Variants in BACH2 observed in about 807,000 individuals in gnomAD.
BACH2 encodes the protein transcription regulator protein BACH2.
BACH2 carries 5 observed loss-of-function variants against 61.8 expected under a neutral mutation model. That is an observed-to-expected ratio of 0.08 (90% CI 0.04 to 0.17). The LOEUF is 0.17. Among genes scored for constraint, BACH2 ranks in the 10% least tolerant of loss-of-function variants. The pLI is 1.00. For synonymous variants in BACH2, 446 were observed against 440.1 expected, an observed-to-expected ratio of 1.01 and a Z score of -0.17; for missense variants, 824 against 1,091.1, an observed-to-expected ratio of 0.76 and a Z score of 3.45.
At chr6:90,196,910 A>G (rs1768780023) in intron 4 of BACH2, among the ~76,000 whole-genome samples, 1 of 152,220 alleles carries the variant, frequency 6.6e-6, no homozygotes, top group Non-Finnish European at 1.5e-5. Flanking sequence ...AGTCAAATCA[A>G]ATCTCTGCAT....
At chr6:90,049,150 T>C (rs1051575975) in intron 5 of BACH2, among the ~76,000 whole-genome samples, 7 of 152,234 alleles carry the variant, frequency 4.6e-5, no homozygotes, top group Admixed American at 2.6e-4. Context: ...TAAACTTTTA[T>C]TGAGTGCTCA....
chr6:90,283,142 G>C (rs1771908641), intron 1 of BACH2, among the ~76,000 whole-genome samples: 1 of 152,092 alleles, frequency 6.6e-6, no homozygotes, highest in African/African-American at 2.4e-5. Flanking sequence ...CTAGCCAATT[G>C]GGTTTCTTCC....
chr6:90,055,074 C>G (rs557082498), intron 5 of BACH2, among the ~76,000 whole-genome samples: 1 of 152,310 alleles, frequency 6.6e-6, no homozygotes, highest in South Asian at 2.1e-4. Flanking sequence ...GCCTCTCCTC[C>G]TTCAAAGGAA....
chr6:90,216,448 C>T (rs1046540681), intron 3 of BACH2, among the ~76,000 whole-genome samples: 5 of 152,248 alleles, frequency 3.3e-5, no homozygotes, highest in East Asian at 3.9e-4. Context: ...CTGCTAATGT[C>T]GACTTCCCTC....
At chr6:90,028,312 G>GC (rs1302840598) in intron 5 of BACH2, among the ~76,000 whole-genome samples, 1 of 152,200 alleles carries the variant, frequency 6.6e-6, no homozygotes, top group African/African-American at 2.4e-5. Context: ...CCAAAAGAAG[G>GC]CATCTGGCAG....
At chr6:89,972,982 C>T (rs528948488) in intron 6 of BACH2, among the ~76,000 whole-genome samples, 8 of 152,056 alleles carry the variant, frequency 5.3e-5, no homozygotes, top group Non-Finnish European at 8.8e-5. Context: ...CTCAGCTACT[C>T]GGGAGTCTGA....
chr6:90,097,995 T>C (rs1217728876), intron 4 of BACH2, among the ~76,000 whole-genome samples: 1 of 152,220 alleles, frequency 6.6e-6, no homozygotes, highest in South Asian at 2.1e-4. Context: ...CGGCTTTTAT[T>C]GTTTCTCTAG....
Position 89,959,288 on chromosome 6 carries a change from T to C in BACH2, c.244-7426A>G, listed in dbSNP as rs139567186. ...CATGGTCAGCCCACCAAGGTACTTT[T>C]TGATTAGTAAAAAAAGGAAAATCAT... On this transcript the variant is annotated intron_variant, in intron 6 of 8. Transcript: ENST00000257749. 7.2e-5 allele frequency among the ~76,000 whole-genome samples: 11 copies of C among 152,248 alleles called. No individual in the cohort carries two copies. In the East Asian group the frequency reaches 9.6e-4, roughly 13 times the overall value.
At chr6:90,167,679 T>C (rs1767676962) in intron 4 of BACH2, among the ~76,000 whole-genome samples, 1 of 152,326 alleles carries the variant, frequency 6.6e-6, no homozygotes, top group East Asian at 1.9e-4. Context: ...TACCTCTGAC[T>C]TCAGCTGGAG....
intron 5 of BACH2, among the ~76,000 whole-genome samples, chr6:90,079,284 C>T (rs1781616772): frequency 6.6e-6 from 1 of 152,180 alleles, no homozygotes; most frequent in African/African-American, 2.4e-5. Context: ...CTTCTCCCTC[C>T]TCCAACCAAA....
chr6:89,975,318 C>T (rs79570127), intron 6 of BACH2, among the ~76,000 whole-genome samples: 3,798 of 152,330 alleles, frequency 0.025, 244 homozygotes, highest in Admixed American at 0.14. Context: ...TCGACTGATA[C>T]TGTTCTGTCC....
At chr6:90,268,352 CA>C (rs1771413334) in intron 2 of BACH2, among the ~76,000 whole-genome samples, 1 of 152,090 alleles carries the variant, frequency 6.6e-6, no homozygotes, top group Admixed American at 6.6e-5. Flanking sequence ...GGACAGTCCC[CA>C]AAAACCCACT....
chr6:90,254,668 A>C (rs1306635354), intron 2 of BACH2, among the ~76,000 whole-genome samples: 2 of 152,114 alleles, frequency 1.3e-5, no homozygotes, highest in Non-Finnish European at 2.9e-5. Flanking sequence ...TTCCTCTTGG[A>C]CTTTTATCCT....
chr6:90,202,374 A>T (rs1282741064), intron 4 of BACH2, among the ~76,000 whole-genome samples: 2 of 152,186 alleles, frequency 1.3e-5, no homozygotes, highest in Non-Finnish European at 2.9e-5. Flanking sequence ...GTAAACGTGA[A>T]ACTGCCTCAG....
chr6:90,274,841 T>C (rs1200813988), intron 1 of BACH2, among the ~76,000 whole-genome samples: 3 of 152,212 alleles, frequency 2.0e-5, no homozygotes. Context: ...AAGTGCATAA[T>C]CTTTGCATCA....
At chr6:90,157,962 T>C (rs990536439) in intron 4 of BACH2, among the ~76,000 whole-genome samples, 3 of 152,074 alleles carry the variant, frequency 2.0e-5, no homozygotes, top group Non-Finnish European at 4.4e-5. Context: ...GCAACTGTAT[T>C]AAGTGCGATG....
intron 5 of BACH2, among the ~76,000 whole-genome samples, chr6:90,080,393 A>T (rs1451081547): frequency 6.6e-6 from 1 of 152,140 alleles, no homozygotes; most frequent in East Asian, 1.9e-4. Flanking sequence ...TCTCCACCTG[A>T]TAACCTGAAG....
At chr6:90,107,107 C>T (rs998238309) in intron 4 of BACH2, among the ~76,000 whole-genome samples, 1 of 152,170 alleles carries the variant, frequency 6.6e-6, no homozygotes, top group Non-Finnish European at 1.5e-5. Context: ...GGTGTGGTGG[C>T]TCACTCCCAT....
At chr6:90,196,148 A>C (rs1194714431) in intron 4 of BACH2, among the ~76,000 whole-genome samples, 4 of 151,496 alleles carry the variant, frequency 2.6e-5, no homozygotes, top group Non-Finnish European at 5.9e-5. Flanking sequence ...TTTAATCTCC[A>C]TTTCATTCAT....
Sources: gnomAD v4.1 joint callset for allele counts (sites outside exome capture counted in the v4.1 genomes callset) on GRCh38, gnomAD v4.1.1 for gene constraint, MANE v1.5 for transcripts, NCBI Gene and HGNC (gene_info 2026-07-23, HGNC 2026-07-21) for gene names.